KIAA0319L: variants seen among roughly 807,000 people sequenced by gnomAD.
KIAA0319L encodes dyslexia-associated protein KIAA0319-like protein.
KIAA0319L carries 55 observed loss-of-function variants against 120.1 expected under a neutral mutation model. The ratio of observed to expected loss-of-function variants is 0.46; its 90% confidence interval spans 0.37 to 0.57. KIAA0319L has a LOEUF of 0.57. Among genes scored for constraint, KIAA0319L ranks in the 20% least tolerant of loss-of-function variants. The pLI, the probability that KIAA0319L is intolerant of heterozygous loss-of-function variation, is 0.00. For missense variants in KIAA0319L, 1,049 were observed against 1,255.3 expected, an observed-to-expected ratio of 0.84 and a Z score of 2.48; for synonymous variants, 398 against 471.9, an observed-to-expected ratio of 0.84 and a Z score of 2.03.
At chr1:35,540,157 T>C (rs1032152564) in intron 2 of KIAA0319L, among the ~76,000 whole-genome samples, 5 of 152,220 alleles carry the variant, frequency 3.3e-5, no homozygotes, top group African/African-American at 1.2e-4. Context: ...GGGCAGAGTC[T>C]GCAGTGGGTA....
At chr1:35,519,172 G>A (rs1413896291) in intron 2 of KIAA0319L, among the ~76,000 whole-genome samples, 1 of 152,054 alleles carries the variant, frequency 6.6e-6, no homozygotes, top group Non-Finnish European at 1.5e-5. Context: ...GGCAAATCTG[G>A]TGTCCCTGGG....
chr1:35,538,098 G>A (rs768948273), intron 2 of KIAA0319L, among the ~76,000 whole-genome samples: 19 of 152,074 alleles, frequency 1.2e-4, no homozygotes, highest in Admixed American at 2.6e-4. Flanking sequence ...AGCACATCTC[G>A]GAATTGATCA....
At chr1:35,435,351 G>T in intron 20 of KIAA0319L, 1 of 378,892 alleles carries the variant, frequency 2.6e-6, no homozygotes, top group Middle Eastern at 6.8e-4. Context: ...ATGAGCTTTG[G>T]TTCAGGCCAC....
At chr1:35,484,806 A>ATATATATTT (rs1381080295) in intron 3 of KIAA0319L, among the ~76,000 whole-genome samples, 9 of 86,260 alleles carry the variant, frequency 1.0e-4, no homozygotes, top group African/African-American at 5.4e-4. Flanking sequence ...ATATATATAT[A>ATATATATTT]TTTTTTTTTT....
Position 35,456,224 on chromosome 1 carries a change from G to C in KIAA0319L, c.1445C>G (p.Ser482Cys). ...AGTAGTAGAGTTGGTAGCTCCATCA[G>C]AGTCTACTACAGTCAAGCTATCAGG... is the stretch of plus-strand genomic sequence containing the variant. ...NYTFSLTVVD[S>C]DGATNSTTAN... Residue 482 changes from serine to cysteine, a missense_variant, in exon 10 of 21, where the codon TCT (serine) becomes TGT (cysteine). Physicochemically the swap from Ser to Cys is moderately radical, Grantham distance 112 (BLOSUM62 -1). Transcript: ENST00000325722. The C allele has an allele frequency of 1.9e-6, 3 of 1,596,756 alleles. No individual in the cohort carries two copies. The highest frequency in any genetic ancestry group is 1.7e-6 in the Non-Finnish European group (2 of 1,170,096).
Position 35,454,571 on chromosome 1 carries a change from T to C in KIAA0319L, c.1657-86A>G, listed in dbSNP as rs573772373. 1,130 of 1,563,268 alleles carry C rather than the reference T, an allele frequency of 7.2e-4. 10 individuals are homozygous for C. The highest frequency in any genetic ancestry group is 2.2e-3 in the Middle Eastern group (13 of 5,902). On this transcript the variant is annotated intron_variant, in intron 10 of 20. Coordinates refer to ENST00000325722, the MANE Select transcript of KIAA0319L (RefSeq NM_024874.5). Reference sequence around the variant, plus strand: ...CCGACTCTGGTAAAAACGATTTAGTTTTCTAAACCAAAGACCTAAGATGGT... The same window carrying C: ...CCGACTCTGGTAAAAACGATTTAGTCTTCTAAACCAAAGACCTAAGATGGT...
intron 2 of KIAA0319L, among the ~76,000 whole-genome samples, chr1:35,532,338 A>C (rs1307788858): frequency 1.3e-5 from 2 of 152,180 alleles, no homozygotes; most frequent in African/African-American, 4.8e-5. Flanking sequence ...AATGTTATTT[A>C]ATGTTGTTAC....
At chr1:35,515,754 A>G (rs1645654136) in intron 2 of KIAA0319L, among the ~76,000 whole-genome samples, 1 of 152,192 alleles carries the variant, frequency 6.6e-6, no homozygotes, top group Non-Finnish European at 1.5e-5. Context: ...CAAAAGATCA[A>G]CAAATCCAGG....
intron 7 of KIAA0319L, among the ~76,000 whole-genome samples, chr1:35,463,253 A>T (rs910424538): frequency 6.6e-6 from 1 of 152,222 alleles, no homozygotes; most frequent in Admixed American, 6.5e-5. Flanking sequence ...TTCGGAGTAT[A>T]AAAGCCTCTT....
At chr1:35,465,917 C>T (rs1322537323) in intron 7 of KIAA0319L, among the ~76,000 whole-genome samples, 1 of 152,130 alleles carries the variant, frequency 6.6e-6, no homozygotes, top group African/African-American at 2.4e-5. Context: ...ACGTGACTTG[C>T]TCCTCCTTGT....
At chr1:35,439,826 A>T (rs1225008722) in intron 20 of KIAA0319L, 2 of 152,268 alleles carry the variant, frequency 1.3e-5, no homozygotes, top group Non-Finnish European at 2.9e-5. Context: ...AGATTACTGG[A>T]TGAACCAGAA....
intron 3 of KIAA0319L, among the ~76,000 whole-genome samples, chr1:35,492,440 G>C (rs974827230): frequency 6.6e-6 from 1 of 152,072 alleles, no homozygotes; most frequent in African/African-American, 2.4e-5. Flanking sequence ...CTTGAACCCA[G>C]GAGGTGGAGG....
intron 3 of KIAA0319L, among the ~76,000 whole-genome samples, chr1:35,494,441 TC>T (rs1470709724): frequency 1.3e-5 from 2 of 151,592 alleles, no homozygotes; most frequent in East Asian, 3.9e-4. Flanking sequence ...AGTGTGAGAC[TC>T]CGTCTCAAAA....
At chr1:35,520,293 T>C (rs1323642794) in intron 2 of KIAA0319L, among the ~76,000 whole-genome samples, 1 of 151,722 alleles carries the variant, frequency 6.6e-6, no homozygotes. Context: ...AGAGATGGGG[T>C]TTCACCATAT....
chr1:35,523,447 T>C (rs1646004616), intron 2 of KIAA0319L, among the ~76,000 whole-genome samples: 1 of 152,178 alleles, frequency 6.6e-6, no homozygotes, highest in South Asian at 2.1e-4. Context: ...GAATGAAGTA[T>C]TGAAAGAATG....
intron 2 of KIAA0319L, chr1:35,510,208 C>T (rs1344081451): frequency 6.6e-6 from 1 of 152,180 alleles, no homozygotes; most frequent in Non-Finnish European, 1.5e-5. Flanking sequence ...GCAGACTATC[C>T]TACTATCACC....
At chr1:35,444,665 C>T (rs1459355486) in intron 16 of KIAA0319L, among the ~76,000 whole-genome samples, 1 of 152,232 alleles carries the variant, frequency 6.6e-6, no homozygotes, top group Non-Finnish European at 1.5e-5. Context: ...CTCCATCTAA[C>T]TGGAGGATGA....
intron 18 of KIAA0319L, 33 bp from the exon 19 acceptor site, chr1:35,442,369 G>T: frequency 6.4e-7 from 1 of 1,551,570 alleles, no homozygotes; most frequent in Non-Finnish European, 8.9e-7. Flanking sequence ...GAGGGCTGTG[G>T]AGGGAGAGGC....
chr1:35,498,119 G>C (rs997577085), intron 3 of KIAA0319L, among the ~76,000 whole-genome samples: 28 of 152,272 alleles, frequency 1.8e-4, no homozygotes, highest in African/African-American at 6.7e-4. Flanking sequence ...GATCACCTGA[G>C]GTCAGGAGTT....
Sources: gnomAD v4.1 joint callset for allele counts (sites outside exome capture counted in the v4.1 genomes callset) on GRCh38, gnomAD v4.1.1 for gene constraint, MANE v1.5 for transcripts, NCBI Gene and HGNC (gene_info 2026-07-23, HGNC 2026-07-21) for gene names.